PHYHIPL: variants seen among roughly 807,000 people sequenced by gnomAD.
PHYHIPL encodes the protein phytanoyl-CoA hydroxylase-interacting protein-like.
PHYHIPL carries 9 observed loss-of-function variants against 33.4 expected under a neutral mutation model. The observed-to-expected ratio is 0.27, with a 90% CI of 0.16 to 0.47. PHYHIPL has a LOEUF of 0.47. Ranked by LOEUF, PHYHIPL falls within the 20% of genes least tolerant of loss-of-function variation. The pLI is 0.99. For missense variants in PHYHIPL, 365 were observed against 460.7 expected (o/e 0.79, Z 1.90); for synonymous variants, 153 against 154.1 (o/e 0.99, Z 0.05).
Position 59,245,175 on chromosome 10 carries a change from G to A in PHYHIPL, c.715G>A (p.Gly239Arg). The change falls in exon 5 of 5, where the codon GGA (glycine) becomes AGA (arginine). Residue 239 changes from glycine (G) to arginine (R), a missense_variant. Gly to Arg is a moderately radical substitution (Grantham distance 125, BLOSUM62 -2). Around this residue, in one of 4 missense-constraint regions of PHYHIPL, gnomAD observed 196 missense variants for 224.9 expected, o/e 0.87. Coordinates refer to ENST00000373880, the MANE Select transcript of PHYHIPL (RefSeq NM_032439.4). ...FFSCSTEFNT[G>R]KPPQDSPYGR... The stretch of plus-strand genomic sequence containing the variant: ...CAGCTGCAGCACTGAATTCAATACT[G>A]GAAAGCCACCCCAGGATTCACCTTA... 6.2e-7 allele frequency: 1 copy of A among 1,614,132 alleles called. No homozygotes were observed. Among genetic ancestry groups the A allele is most frequent in the Non-Finnish European group, 8.5e-7 (1 of 1,180,024 alleles).
upstream of PHYHIPL, among the ~76,000 whole-genome samples, chr10:59,173,974 G>GTTTTTT (rs1838211101): frequency 2.2e-5 from 2 of 92,194 alleles, no homozygotes; most frequent in African/African-American, 9.4e-5. Context: ...GAGGAGGGGA[G>GTTTTTT]TATTGTTTTC....
chr10:59,201,042 T>G (rs1443575830), intron 1 of PHYHIPL, among the ~76,000 whole-genome samples: 2 of 152,230 alleles, frequency 1.3e-5, no homozygotes, highest in African/African-American at 2.4e-5. Flanking sequence ...AAGGGTTTTT[T>G]GTGTCTCTAT....
chr10:59,179,158 A>G (rs1838332025), intron 1 of PHYHIPL, among the ~76,000 whole-genome samples: 1 of 152,166 alleles, frequency 6.6e-6, no homozygotes, highest in Non-Finnish European at 1.5e-5. Context: ...TAGGGGGAAT[A>G]ATGTCGTTTG....
chr10:59,202,623 A>AT (rs1218643021), intron 1 of PHYHIPL, among the ~76,000 whole-genome samples: 3 of 152,186 alleles, frequency 2.0e-5, no homozygotes, highest in Non-Finnish European at 4.4e-5. Context: ...ATAGTATTAC[A>AT]TTTTATAACC....
chr10:59,243,415 T>TAA (rs1260950161), intron 4 of PHYHIPL, among the ~76,000 whole-genome samples: 3 of 151,988 alleles, frequency 2.0e-5, no homozygotes, highest in Non-Finnish European at 4.4e-5. Flanking sequence ...AAGGAAATAA[T>TAA]AAAAGAAGGA....
chr10:59,242,863 C>CAGAG lies in PHYHIPL; in HGVS notation c.597-2192_597-2189dup, dbSNP rs373948576. Among the ~76,000 whole-genome samples, 176 of 152,146 alleles carry CAGAG rather than the reference C, an allele frequency of 1.2e-3. 1 individual carries two copies. The highest frequency in any genetic ancestry group is 3.9e-3 in the African/African-American group (163 of 41,502). On this transcript the variant is annotated intron_variant, in intron 4 of 4. Coordinates refer to ENST00000373880, the MANE Select transcript of PHYHIPL (RefSeq NM_032439.4). ...AATAGAAATTACGCAAATTGAACAACAGAGATAAAACTCACCGAAAAATAT... is the reference window on the plus strand; with the variant it reads ...AATAGAAATTACGCAAATTGAACAACAGAGAGAGATAAAACTCACCGAAAAATAT...
rs577665088 is a variant in PHYHIPL at position 59,240,895 on chromosome 10, A to G, written c.596+2190A>G. The stretch of plus-strand genomic sequence containing the variant: ...TCTGTTTTCAAAAATGCTTCCAAGA[A>G]TAAATAAATAAAGACAGAGTGCCTA... On this transcript the variant is annotated intron_variant, in intron 4 of 4. Transcript: ENST00000373880. Among the ~76,000 whole-genome samples the G allele has an allele frequency of 5.3e-5, 8 of 152,200 alleles. No homozygotes were observed. In the South Asian group the frequency reaches 1.7e-3, roughly 32 times the overall value.
chr10:59,181,283 A>G (rs577567693), intron 1 of PHYHIPL, among the ~76,000 whole-genome samples: 1 of 152,146 alleles, frequency 6.6e-6, no homozygotes, highest in Non-Finnish European at 1.5e-5. Flanking sequence ...GCCAGTGTCT[A>G]GGTCCTTGTC....
At chr10:59,207,585 G>C (rs1430405981) in intron 1 of PHYHIPL, among the ~76,000 whole-genome samples, 2 of 152,060 alleles carry the variant, frequency 1.3e-5, no homozygotes, top group Non-Finnish European at 2.9e-5. Context: ...TCTAGGCAGG[G>C]AATCTCTGAA....
chr10:59,186,109 TAA>T (rs1838593840), intron 1 of PHYHIPL, among the ~76,000 whole-genome samples: 1 of 152,232 alleles, frequency 6.6e-6, no homozygotes, highest in African/African-American at 2.4e-5. Flanking sequence ...GTCTAACATT[TAA>T]GTCTTTAATC....
intron 1 of PHYHIPL, among the ~76,000 whole-genome samples, chr10:59,186,771 T>TA (rs1176666478): frequency 1.3e-5 from 2 of 152,184 alleles, no homozygotes; most frequent in African/African-American, 4.8e-5. Context: ...GTTTGTCTGT[T>TA]ATTGGTGTAT....
At chr10:59,180,359 T>TAC (rs1564698959) in intron 1 of PHYHIPL, among the ~76,000 whole-genome samples, 31 of 112,558 alleles carry the variant, frequency 2.8e-4, no homozygotes, top group African/African-American at 9.7e-4. Flanking sequence ...TATATATATA[T>TAC]ATACTTTTTC....
At chr10:59,224,465 C>CAAAACAA (rs757254589) in intron 1 of PHYHIPL, among the ~76,000 whole-genome samples, 52 of 146,370 alleles carry the variant, frequency 3.6e-4, no homozygotes, top group Non-Finnish European at 5.8e-4. Context: ...GGAAACAAAA[C>CAAAACAA]AAAACAAAAC....
chr10:59,209,610 T>C (rs1237972863), intron 1 of PHYHIPL, among the ~76,000 whole-genome samples: 2 of 151,964 alleles, frequency 1.3e-5, no homozygotes, highest in Non-Finnish European at 2.9e-5. Context: ...GGCTAAATGC[T>C]CCAATTAAAA....
chr10:59,229,560 T>A (rs534265954), intron 1 of PHYHIPL, among the ~76,000 whole-genome samples: 1 of 152,232 alleles, frequency 6.6e-6, no homozygotes, highest in East Asian at 1.9e-4. Flanking sequence ...TCAGCCAAAT[T>A]AAATTTAAAG....
At chr10:59,240,176 A>G (rs1360293368) in intron 4 of PHYHIPL, among the ~76,000 whole-genome samples, 2 of 152,090 alleles carry the variant, frequency 1.3e-5, no homozygotes, top group African/African-American at 4.8e-5. Flanking sequence ...CCTAGAGTCC[A>G]TATATTTCCT....
chr10:59,180,504 G>A (rs1042588087), intron 1 of PHYHIPL, among the ~76,000 whole-genome samples: 3 of 151,418 alleles, frequency 2.0e-5, no homozygotes, highest in Admixed American at 6.6e-5. Context: ...TCAAGGCTTC[G>A]TGGCTTTAAC....
rs184728269 is a variant in PHYHIPL, at chr10:59,223,046, C to T, written c.107-11258C>T. On this transcript the variant is annotated intron_variant, in intron 1 of 4. Coordinates refer to ENST00000373880, the MANE Select transcript of PHYHIPL (RefSeq NM_032439.4). ...CCCATGTCTGTCTGACTAGTAGGTGCTCTTAGCCACTCTGTAACTAATCAT... is the reference window on the plus strand; with the variant it reads ...CCCATGTCTGTCTGACTAGTAGGTGTTCTTAGCCACTCTGTAACTAATCAT... 1.6e-3 allele frequency among the ~76,000 whole-genome samples: 248 copies of T among 152,272 alleles called. 3 individuals carry two copies. Among genetic ancestry groups the T allele is most frequent in the Admixed American group, 0.016 (242 of 15,292 alleles).
At chr10:59,190,007 T>G (rs900865772) in intron 1 of PHYHIPL, among the ~76,000 whole-genome samples, 6 of 152,006 alleles carry the variant, frequency 3.9e-5, no homozygotes, top group African/African-American at 1.4e-4. Flanking sequence ...TTATCTTAGA[T>G]TTCAAACTTT....
Sources: gnomAD v4.1 joint callset for allele counts (sites outside exome capture counted in the v4.1 genomes callset) on GRCh38, gnomAD v4.1.1 for gene constraint, gnomAD v4.1.1 regional missense constraint, MANE v1.5 for transcripts, NCBI Gene and HGNC (gene_info 2026-07-23, HGNC 2026-07-21) for gene names.